PTPRU: variants seen among roughly 807,000 people sequenced by gnomAD.
The protein encoded by PTPRU is protein tyrosine phosphatase receptor type U.
PTPRU carries 69 observed loss-of-function variants against 166.3 expected under a neutral mutation model. The observed-to-expected ratio is 0.41, with a 90% CI of 0.34 to 0.51. The LOEUF (loss-of-function observed/expected upper bound fraction) is 0.51, where lower values mean the gene tolerates loss of function less well. Among genes scored for constraint, PTPRU ranks in the 20% least tolerant of loss-of-function variants. PTPRU has a pLI of 0.09. For synonymous variants in PTPRU, 793 were observed against 814.0 expected (o/e 0.97, Z 0.44); for missense variants, 1,657 against 2,013.7 (o/e 0.82, Z 3.39).
chr1:29,253,218 G>C (rs1488790625), intron 1 of PTPRU, among the ~76,000 whole-genome samples: 1 of 152,220 alleles, frequency 6.6e-6, no homozygotes, highest in Non-Finnish European at 1.5e-5. Context: ...AGCTCCATGT[G>C]TTCAGCTGTC....
chr1:29,240,337 G>A (rs1683987109), intron 1 of PTPRU, among the ~76,000 whole-genome samples: 1 of 152,162 alleles, frequency 6.6e-6, no homozygotes, highest in Non-Finnish European at 1.5e-5. Flanking sequence ...CAGAGACTGG[G>A]TTTTTAGTTT....
intron 28 of PTPRU, among the ~76,000 whole-genome samples, chr1:29,324,761 G>C (rs1160554253): frequency 6.6e-6 from 1 of 152,156 alleles, no homozygotes; most frequent in Non-Finnish European, 1.5e-5. Flanking sequence ...ACCTGGTCCT[G>C]CTCCTCCCTC....
chr1:29,288,597 G>C lies in PTPRU; in HGVS notation c.2319-3272G>C, dbSNP rs552700914. ...ATGGAGGAGATGTGCTCTGTGACCT[G>C]GGGCCAAGCTCCTGCCTTTGCTGGT... On this transcript the variant is annotated intron_variant, in intron 14 of 29. Transcript: ENST00000373779. Among the ~76,000 whole-genome samples, 118 of 152,278 alleles carry C rather than the reference G, an allele frequency of 7.7e-4. 1 individual carries two copies. The highest frequency in any genetic ancestry group is 4.8e-3 in the South Asian group (23 of 4,820).
chr1:29,272,120 A>G lies in PTPRU; in HGVS notation c.1145-3328A>G, dbSNP rs72478551. On this transcript the variant is annotated intron_variant, in intron 7 of 29. Coordinates refer to ENST00000373779, the MANE Select transcript of PTPRU (RefSeq NM_133178.4). The stretch of plus-strand genomic sequence containing the variant: ...GAAAGATGGCAAGTGAGCACACCCC[A>G]GATCTGCCTCCTCTGGCGCAAACAT... Among the ~76,000 whole-genome samples, 294 of 152,376 alleles carry G rather than the reference A, an allele frequency of 1.9e-3. 6 individuals carry two copies. The East Asian group carries it at 0.051, about 26-fold the overall frequency.
At chr1:29,323,836 G>A in intron 28 of PTPRU, 48 bp downstream of exon 28, 1 of 1,601,722 alleles carries the variant, frequency 6.2e-7, no homozygotes, top group Non-Finnish European at 8.5e-7. Flanking sequence ...TGGGGAGCCA[G>A]GGGCAGAGGT....
intron 2 of PTPRU, among the ~76,000 whole-genome samples, chr1:29,258,175 G>A (rs2151944520): frequency 6.6e-6 from 1 of 152,292 alleles, no homozygotes; most frequent in Admixed American, 6.5e-5. Flanking sequence ...ATATTGGTCA[G>A]GCTGGTCTCG....
chr1:29,297,041 G>T (rs1686916355), intron 15 of PTPRU, among the ~76,000 whole-genome samples: 2 of 144,532 alleles, frequency 1.4e-5, no homozygotes, highest in South Asian at 2.2e-4. Flanking sequence ...ATTTTACCCT[G>T]CTTAGTAGCT....
At chr1:29,325,021 G>T (rs1292315576) in intron 28 of PTPRU, among the ~76,000 whole-genome samples, 170 bp from the exon 29 acceptor site, 1 of 151,220 alleles carries the variant, frequency 6.6e-6, no homozygotes, top group Non-Finnish European at 1.5e-5. Context: ...CCTCCTTTCT[G>T]TGTTCTCTAA....
chr1:29,259,046 G>A (rs1684900587), intron 3 of PTPRU, among the ~76,000 whole-genome samples: 1 of 152,150 alleles, frequency 6.6e-6, no homozygotes, highest in South Asian at 2.1e-4. Flanking sequence ...GAGGGTAACT[G>A]TCCAGGATTT....
intron 15 of PTPRU, among the ~76,000 whole-genome samples, chr1:29,302,345 TTTA>T (rs1352853455): frequency 1.3e-5 from 2 of 152,228 alleles, no homozygotes; most frequent in Admixed American, 6.5e-5. Flanking sequence ...CTAAGGTTAA[TTTA>T]TTATTCAAGA....
rs1019265847 is a variant in PTPRU, at chr1:29,236,530, T to TCCGCG, written c.-105_-101dup. 206 of 811,766 alleles carry TCCGCG rather than the reference T, an allele frequency of 2.5e-4. No homozygotes were observed. The African/African-American group carries it at 2.7e-3, about 11-fold the overall frequency. 50.3% of individuals were successfully genotyped at this position (811,766 alleles called of 1,614,324 possible). On this transcript the variant is annotated 5_prime_UTR_variant, in exon 1 of 30. Transcript: ENST00000373779. The surrounding 1 kb of genome is among the most constrained non-coding windows in gnomAD (Gnocchi z 4.6). ...GCTCTGGACTCGGCGCCAGTCCCGCTCCGCGCCGCGCCGCTCCGCTCCGGC... is the reference window on the plus strand; with the variant it reads ...GCTCTGGACTCGGCGCCAGTCCCGCTCCGCGCCGCGCCGCGCCGCTCCGCTCCGGC...
chr1:29,267,534 G>A (rs900525314), intron 7 of PTPRU, among the ~76,000 whole-genome samples: 2 of 152,100 alleles, frequency 1.3e-5, no homozygotes, highest in African/African-American at 4.8e-5. Context: ...GGGCTTGCTG[G>A]GGGAAGCAAG....
chr1:29,289,995 A>C lies in PTPRU; in HGVS notation c.2319-1874A>C, dbSNP rs545207271. On this transcript the variant is annotated intron_variant, in intron 14 of 29. Transcript: ENST00000373779. The stretch of plus-strand genomic sequence containing the variant: ...ACCCCCAGCAAGTCCCTGAGCCTCA[A>C]TGTCCCCTTCACCACCAGAGCAGCC... Among the ~76,000 whole-genome samples the C allele has an allele frequency of 3.3e-5, 5 of 152,260 alleles. No homozygotes were observed. The East Asian group carries it at 9.7e-4, about 29-fold the overall frequency.
chr1:29,303,883 G>C lies in PTPRU; in HGVS notation c.2505G>C (p.Glu835Asp). Reference protein sequence around the residue: ...RGDQRSGGVTEASSLLGGSPR... With the variant: ...RGDQRSGGVTDASSLLGGSPR... Reference sequence around the variant, plus strand: ...ACCAGCGCAGCGGTGGGGTCACTGAGGCCAGCAGCCTCCTGGGGGGCTCCC... The same window carrying C: ...ACCAGCGCAGCGGTGGGGTCACTGACGCCAGCAGCCTCCTGGGGGGCTCCC... The change falls in exon 16 of 30, where the codon GAG becomes GAC. Residue 835 changes from glutamate (E) to aspartate (D), a missense_variant. This residue lies in a region of PTPRU where 1,190 missense variants were observed against 1,477.4 expected (regional missense o/e 0.81). Coordinates refer to ENST00000373779, the MANE Select transcript of PTPRU (RefSeq NM_133178.4). 6.2e-7 allele frequency: 1 copy of C among 1,612,550 alleles called. No homozygotes were observed. The highest frequency in any genetic ancestry group is 8.5e-7 in the Non-Finnish European group (1 of 1,178,782).
At chr1:29,272,951 T>C (rs1685636814) in intron 7 of PTPRU, among the ~76,000 whole-genome samples, 1 of 150,540 alleles carries the variant, frequency 6.6e-6, no homozygotes, top group Admixed American at 6.6e-5. Context: ...TCCTAGGGGT[T>C]GTACTTAATC....
chr1:29,260,014 G>A lies in PTPRU; in HGVS notation c.820G>A (p.Val274Ile), dbSNP rs1271200096. ...GTCCCAGGCCCCGCGCGGCGCGGGC[G>A]TCTCTAACTTCGCGGAGCTCATCGT... is the stretch of plus-strand genomic sequence containing the variant. ...CVSQAPRGAG[V>I]SNFAELIVKE... The change falls in exon 6 of 30, where the codon GTC becomes ATC. Residue 274 changes from valine (V) to isoleucine (I), a missense_variant. Around this residue, in one of 3 missense-constraint regions of PTPRU, gnomAD observed 453 missense variants for 496.9 expected, o/e 0.91. Coordinates refer to ENST00000373779, the MANE Select transcript of PTPRU (RefSeq NM_133178.4). This position sits in a 1 kb window ranked among gnomAD's most constrained non-coding sequence, Gnocchi z 8.3. The A allele has an allele frequency of 4.7e-6, 7 of 1,481,718 alleles. No homozygotes were observed. Among genetic ancestry groups the A allele is most frequent in the South Asian group, 2.7e-5 (2 of 75,208 alleles). The allele number at this position is 1,481,718 out of a possible 1,614,324, so 91.8% of individuals were successfully genotyped here. A position where few individuals can be genotyped will look rare whatever the true frequency, so the allele number is the denominator to read the frequency against.
At chr1:29,316,373 G>C (rs536859672) in intron 24 of PTPRU, among the ~76,000 whole-genome samples, 1 of 152,276 alleles carries the variant, frequency 6.6e-6, no homozygotes, top group South Asian at 2.1e-4. Context: ...GATAAACCCA[G>C]GTTCAAATCC....
chr1:29,239,806 C>T (rs2151937097), intron 1 of PTPRU, among the ~76,000 whole-genome samples: 1 of 152,242 alleles, frequency 6.6e-6, no homozygotes, highest in African/African-American at 2.4e-5. Flanking sequence ...CTTTCACCTG[C>T]AGGAAGACTC....
At chr1:29,306,484 C>A (rs1346233722) in intron 18 of PTPRU, among the ~76,000 whole-genome samples, 1 of 152,194 alleles carries the variant, frequency 6.6e-6, no homozygotes, top group African/African-American at 2.4e-5. Flanking sequence ...GTTTACAAAT[C>A]AAAATAACTT....
Sources: allele counts gnomAD v4.1 joint callset (sites outside exome capture counted in the v4.1 genomes callset), GRCh38; gene constraint gnomAD v4.1.1; regional missense constraint gnomAD v4.1.1; non-coding constraint Gnocchi (gnomAD v3.1); transcripts MANE v1.5; gene names NCBI Gene and HGNC (gene_info 2026-07-23, HGNC 2026-07-21).